LRIT3: variants seen among roughly 807,000 people sequenced by gnomAD.
The protein encoded by LRIT3 is leucine rich repeat, Ig-like and transmembrane domains 3, also known as leucine-rich repeat, immunoglobulin-like domain and transmembrane domain-containing protein 3.
LRIT3 carries 14 observed loss-of-function variants against 22.6 expected under a neutral mutation model. The observed-to-expected ratio is 0.62, with a 90% CI of 0.41 to 0.97. The LOEUF is 0.97. LRIT3 is among the 50% of genes least tolerant of loss of function. The pLI is 0.00. For missense variants in LRIT3, 783 were observed against 803.0 expected, an observed-to-expected ratio of 0.98 and a Z score of 0.30; for synonymous variants, 306 against 304.5, an observed-to-expected ratio of 1.01 and a Z score of -0.05.
chr4:109,848,155 T>A lies in LRIT3; in HGVS notation c.-47T>A. ...CCAGGCATACCAGGTTCTGAATGCT[T>A]AGGATTCGGTTTTTACCTTTTGTTT... On this transcript the variant is annotated 5_prime_UTR_variant, in exon 1 of 4. The change creates a premature stop within an existing upstream ORF in the 5' untranslated region. Coordinates refer to ENST00000594814, the MANE Select transcript of LRIT3 (RefSeq NM_198506.5). 9.6e-7 allele frequency: 1 copy of A among 1,043,454 alleles called. No homozygotes were observed. Among genetic ancestry groups the A allele is most frequent in the Non-Finnish European group, 1.2e-6 (1 of 815,922 alleles). The allele number at this position is 1,043,454 out of a possible 1,614,324, so 64.6% of individuals were successfully genotyped here.
Position 109,870,890 on chromosome 4 carries a change from T to C in LRIT3, c.*101T>C, listed in dbSNP as rs1734819341. The C allele has an allele frequency of 2.5e-6, 3 of 1,211,114 alleles. No homozygotes were observed. The South Asian group carries it at 6.0e-5, about 24-fold the overall frequency. 75.0% of individuals were successfully genotyped at this position (1,211,114 alleles called of 1,614,324 possible). A position where few individuals can be genotyped will look rare whatever the true frequency, so the allele number is the denominator to read the frequency against. ...TTTGGACAGACTTTCACATTGTACA[T>C]GAAAATCACAAATGGAATGCTTTTA... On this transcript the variant is annotated 3_prime_UTR_variant, in exon 4 of 4. Transcript: ENST00000594814.
Position 109,870,016 on chromosome 4 carries a change from A to T in LRIT3, c.1267A>T (p.Thr423Ser), listed in dbSNP as rs1416328004. ...TTTCTCCTCCTCCACTGTTTCTTCA[A>T]CCACAACTCTGAGCACAAGCATCTC... Reference protein sequence around the residue: ...SPFSSSTVSSTTTLSTSISAS... With the variant: ...SPFSSSTVSSSTTLSTSISAS... The change falls in exon 4 of 4, where the codon ACC (threonine) becomes TCC (serine). Residue 423 changes from threonine (T) to serine (S), a missense_variant. Transcript: ENST00000594814. The T allele has an allele frequency of 6.2e-7, 1 of 1,614,004 alleles. No individual in the cohort carries two copies. The highest frequency in any genetic ancestry group is 1.7e-5 in the Admixed American group (1 of 59,986).
chr4:109,870,728 C>G lies in LRIT3; in HGVS notation c.1979C>G (p.Ser660Ter). 1 of 1,613,606 alleles carries G rather than the reference C, an allele frequency of 6.2e-7. No homozygotes were observed. The highest frequency in any genetic ancestry group is 1.7e-5 in the Admixed American group (1 of 59,962). ...GAGAAATTGCTGCTTTGTTCTAGGT[C>G]AAGTGTGGAATCTCAGGTGACTTTT... The part of the protein sequence containing the change: ...DSEKLLLCSR[S>*]SVESQVTFKS... Residue 660 changes from serine (S) to a stop codon, truncating the protein, a stop_gained, in exon 4 of 4, where the codon TCA becomes TGA. Transcript: ENST00000594814. LOFTEE classifies it high-confidence loss of function.
At chr4:109,859,321 T>C (rs1007425940) in intron 2 of LRIT3, among the ~76,000 whole-genome samples, 5 of 152,160 alleles carry the variant, frequency 3.3e-5, no homozygotes, top group African/African-American at 1.2e-4. Flanking sequence ...GATGGTCACA[T>C]GGGGATGAAG....
intron 2 of LRIT3, chr4:109,865,008 G>T (rs1579379822): frequency 5.6e-6 from 7 of 1,252,224 alleles, no homozygotes; most frequent in Middle Eastern, 2.2e-4. Flanking sequence ...TACAAATTAG[G>T]CATTCTATCA....
At chr4:109,866,557 G>A (rs1734685279) in intron 2 of LRIT3, among the ~76,000 whole-genome samples, 1 of 152,154 alleles carries the variant, frequency 6.6e-6, no homozygotes, top group Admixed American at 6.5e-5. Context: ...TTCTTTAACT[G>A]TTGCCTCTCC....
Position 109,851,767 on chromosome 4 carries a change from A to T in LRIT3, c.380A>T (p.Asp127Val). The change falls in exon 2 of 4, where the codon GAC (aspartate) becomes GTC (valine). Residue 127 changes from aspartate to valine, a missense_variant. By Grantham distance (152) the Asp-to-Val change is radical (BLOSUM62 -3). Around this residue, in one of 2 missense-constraint regions of LRIT3, gnomAD observed 756 missense variants for 753.8 expected, o/e 1.00. Transcript: ENST00000594814. ...GCTTTCCCTTGGGCATCTCTGCTGG[A>T]CATGCCCCTTCTGAGGACCCTGGAC... ...LAAFPWASLL[D>V]MPLLRTLDLH... 3 of 1,551,754 alleles carry T rather than the reference A, an allele frequency of 1.9e-6. No homozygotes were observed. Among genetic ancestry groups the T allele is most frequent in the Non-Finnish European group, 2.6e-6 (3 of 1,147,022 alleles).
chr4:109,861,445 G>C (rs1734543470), intron 2 of LRIT3, among the ~76,000 whole-genome samples: 1 of 151,482 alleles, frequency 6.6e-6, no homozygotes. Context: ...AGCACTGCAT[G>C]ACAGTCTGGT....
rs534450518 is a variant in LRIT3, at chr4:109,848,217, T to A, written c.16T>A (p.Cys6Ser). The change falls in exon 1 of 4, where the codon TGT becomes AGT. Residue 6 changes from cysteine (C) to serine (S), a missense_variant. Physicochemically the swap from Cys to Ser is moderately radical, Grantham distance 112 (BLOSUM62 -1). This residue lies in a region of LRIT3 where 27 missense variants were observed against 49.2 expected (regional missense o/e 0.55). Coordinates refer to ENST00000594814, the MANE Select transcript of LRIT3 (RefSeq NM_198506.5). ...AAAAGGAGCAATGCATCTCTTTGCATGTCTGTGCATTGTCCTTAGCTTTTT... is the reference window on the plus strand; with the variant it reads ...AAAAGGAGCAATGCATCTCTTTGCAAGTCTGTGCATTGTCCTTAGCTTTTT... MHLFA[C>S]LCIVLSFLEG... is the part of the protein sequence containing the mutation. The A allele has an allele frequency of 2.4e-6, 3 of 1,231,606 alleles. No individual in the cohort carries two copies. In the African/African-American group the frequency reaches 4.6e-5, roughly 19 times the overall value. 76.3% of individuals were successfully genotyped at this position (1,231,606 alleles called of 1,614,324 possible). A position where few individuals can be genotyped will look rare whatever the true frequency, so the allele number is the denominator to read the frequency against.
chr4:109,849,039 G>A (rs1425481112), intron 1 of LRIT3, among the ~76,000 whole-genome samples: 2 of 149,750 alleles, frequency 1.3e-5, no homozygotes, highest in East Asian at 1.9e-4. Flanking sequence ...TTTTTTTTGA[G>A]AGGTTATTTA....
intron 1 of LRIT3, among the ~76,000 whole-genome samples, chr4:109,849,701 C>T (rs1043686233): frequency 1.3e-5 from 2 of 152,248 alleles, no homozygotes; most frequent in Non-Finnish European, 2.9e-5. Context: ...CAACCTCCAT[C>T]TCCCGGGCTC....
chr4:109,864,383 T>A (rs967896815), intron 2 of LRIT3, among the ~76,000 whole-genome samples: 1 of 152,196 alleles, frequency 6.6e-6, no homozygotes, highest in Non-Finnish European at 1.5e-5. Flanking sequence ...TGGTTTTCTC[T>A]TTCACTCAGG....
chr4:109,869,051 A>G (rs1734755798), intron 3 of LRIT3, among the ~76,000 whole-genome samples: 4 of 152,356 alleles, frequency 2.6e-5, no homozygotes, highest in Non-Finnish European at 5.9e-5. Context: ...TTGCAAACAA[A>G]AGAATCCTTG....
intron 1 of LRIT3, chr4:109,851,258 A>G (rs1734247356): frequency 6.2e-6 from 3 of 483,832 alleles, no homozygotes; most frequent in Non-Finnish European, 1.1e-5. Context: ...CATCCATAAC[A>G]GTGCCATATG....
chr4:109,872,305 C>A lies in LRIT3; in HGVS notation c.*1516C>A, dbSNP rs886058987. 1.3e-5 allele frequency: 2 copies of A among 152,246 alleles called. No homozygotes were observed. Among genetic ancestry groups the A allele is most frequent in the Non-Finnish European group, 1.5e-5 (1 of 68,062 alleles). The allele number at this position is 152,246 out of a possible 1,614,324, so 9.4% of individuals were successfully genotyped here. ...GTAAGAGCACTGCTGGAATAAACTA[C>A]TTGAGCATTAGATGGTGTCTAAGAC... On this transcript the variant is annotated 3_prime_UTR_variant, in exon 4 of 4. Transcript: ENST00000594814.
At chr4:109,856,841 G>T (rs1428791033) in intron 2 of LRIT3, among the ~76,000 whole-genome samples, 2 of 152,150 alleles carry the variant, frequency 1.3e-5, no homozygotes, top group South Asian at 4.1e-4. Flanking sequence ...TCCGCAAAAT[G>T]AGCAGTTTGA....
Position 109,868,551 on chromosome 4 carries a change from TAAAAAAA to T in LRIT3, c.895+621_895+627del, listed in dbSNP as rs11387409. ...GCACCACTGCAGAGTAAGACTGTCTTAAAAAAAAAAAAAAAAAAAAAAGGACGGGGGG... is the reference window on the plus strand; with the variant it reads ...GCACCACTGCAGAGTAAGACTGTCTTAAAAAAAAAAAAAAAGGACGGGGGG... On this transcript the variant is annotated intron_variant, in intron 3 of 3. Coordinates refer to ENST00000594814, the MANE Select transcript of LRIT3 (RefSeq NM_198506.5). Among the ~76,000 whole-genome samples, 10 of 122,288 alleles carry T rather than the reference TAAAAAAA, an allele frequency of 8.2e-5. No individual in the cohort carries two copies. The East Asian group carries it at 1.6e-3, about 20-fold the overall frequency. The allele number at this position is 122,288 out of a possible 152,430, so 80.2% of individuals were successfully genotyped here. A position where few individuals can be genotyped will look rare whatever the true frequency, so the allele number is the denominator to read the frequency against.
Position 109,870,264 on chromosome 4 carries a change from T to C in LRIT3, c.1515T>C (p.Asn505=), listed in dbSNP as rs765197216. The change falls in exon 4 of 4, where the codon AAT becomes AAC. Residue 505 remains asparagine, a synonymous_variant. Transcript: ENST00000594814. The part of the protein sequence containing the change: ...ETKESVTLTW[N]MINTTHNSAV... ...AAGAGAGTGTGACATTGACGTGGAA[T>C]ATGATCAACACCACACATAACTCTG... The C allele has an allele frequency of 1.2e-6, 2 of 1,614,072 alleles. No homozygotes were observed. Among genetic ancestry groups the C allele is most frequent in the Non-Finnish European group, 1.7e-6 (2 of 1,180,042 alleles).
intron 3 of LRIT3, 138 bp downstream of exon 3, chr4:109,868,084 G>A: frequency 1.1e-6 from 1 of 898,360 alleles, no homozygotes. Flanking sequence ...GATTTTAAAG[G>A]TACATTTTAT....
Sources: allele counts gnomAD v4.1 joint callset (sites outside exome capture counted in the v4.1 genomes callset), GRCh38; gene constraint gnomAD v4.1.1; regional missense constraint gnomAD v4.1.1; transcripts MANE v1.5; gene names NCBI Gene and HGNC (gene_info 2026-07-23, HGNC 2026-07-21).